Variants in FAM89A observed in about 807,000 individuals in gnomAD.
The protein encoded by FAM89A is protein FAM89A.
Under a neutral mutation model 7.1 loss-of-function variants are expected in FAM89A, and 10 were observed. The observed-to-expected ratio is 1.40, with a 90% CI of 0.86 to 2.38. The LOEUF is 2.38. FAM89A is among the 30% of genes most tolerant of loss of function. The pLI is 0.00. For missense variants in FAM89A, 276 were observed against 262.8 expected (o/e 1.05, Z -0.35); for synonymous variants, 157 against 129.3 (o/e 1.21, Z -1.45).
At chr1:231,028,964 A>G (rs1210768402) in intron 1 of FAM89A, among the ~76,000 whole-genome samples, 1 of 152,152 alleles carries the variant, frequency 6.6e-6, no homozygotes, top group Non-Finnish European at 1.5e-5. Flanking sequence ...CCACATACAA[A>G]TACACTCCAG....
chr1:231,020,299 G>A (rs888319835), intron 1 of FAM89A, among the ~76,000 whole-genome samples, 173 bp from the exon 2 acceptor site: 8 of 152,168 alleles, frequency 5.3e-5, no homozygotes, highest in African/African-American at 1.9e-4. Context: ...CCTTAATTGT[G>A]TTATGCCCAT....
intron 1 of FAM89A, among the ~76,000 whole-genome samples, chr1:231,023,338 G>A (rs1449607712): frequency 6.6e-6 from 1 of 152,202 alleles, no homozygotes; most frequent in Non-Finnish European, 1.5e-5. Flanking sequence ...CCACAGGTAG[G>A]TGGGAGCCTC....
Position 231,019,906 on chromosome 1 carries a change from A to T in FAM89A, c.512T>A (p.Val171Asp). The T allele has an allele frequency of 6.2e-7, 1 of 1,614,156 alleles. No homozygotes were observed. Among genetic ancestry groups the T allele is most frequent in the Non-Finnish European group, 8.5e-7 (1 of 1,180,036 alleles). Reference protein sequence around the residue: ...RGPPRDLSLPVSSLSSSDWIL... With the variant: ...RGPPRDLSLPDSSLSSSDWIL... ...CCAGTCGCTGCTGGAGAGGGAGGAG[A>T]CAGGCAGTGACAAGTCCCGAGGAGG... Residue 171 changes from valine to aspartate, a missense_variant, in exon 2 of 2, where the codon GTC (valine) becomes GAC (aspartate). Coordinates refer to ENST00000366654, the MANE Select transcript of FAM89A (RefSeq NM_198552.3).
At chr1:231,029,015 G>GTC (rs1014088308) in intron 1 of FAM89A, among the ~76,000 whole-genome samples, 22 of 152,318 alleles carry the variant, frequency 1.4e-4, no homozygotes, top group African/African-American at 4.8e-4. Flanking sequence ...GTCACTGAAA[G>GTC]TCTCTGAGTA....
At chr1:231,031,999 G>A (rs545262929) in intron 1 of FAM89A, among the ~76,000 whole-genome samples, 143 of 152,244 alleles carry the variant, frequency 9.4e-4, no homozygotes, top group Non-Finnish European at 1.5e-3. Flanking sequence ...CCCCAACCCC[G>A]GGCCTCAAGT....
At chr1:231,021,851 A>G in intron 1 of FAM89A, 1 of 1,595,934 alleles carries the variant, frequency 6.3e-7, no homozygotes, top group Non-Finnish European at 8.6e-7. Flanking sequence ...GAGGAATGCT[A>G]GGAGGCTGCC....
chr1:231,028,746 C>T (rs1680016778), intron 1 of FAM89A: 1 of 152,246 alleles, frequency 6.6e-6, no homozygotes, highest in Admixed American at 6.5e-5. Context: ...AAACTGCGAG[C>T]GCAGGTCCTT....
rs1679845512 is a variant in FAM89A, at chr1:231,020,063, G to C, written c.355C>G (p.Gln119Glu). The C allele has an allele frequency of 6.2e-7, 1 of 1,613,992 alleles. No individual in the cohort carries two copies. Among genetic ancestry groups the C allele is most frequent in the African/African-American group, 1.3e-5 (1 of 74,934 alleles). ...CQLYSLYESIQEYKGACQAAS... is the reference protein window; with the variant it reads ...CQLYSLYESIEEYKGACQAAS... ...GCCTGGCATGCCCCCTTGTACTCCT[G>C]AATCGACTCGTAGAGGCTGTACAGT... Residue 119 changes from glutamine to glutamate, a missense_variant, in exon 2 of 2, where the codon CAG becomes GAG. Gln to Glu is a conservative substitution (Grantham distance 29). Coordinates refer to ENST00000366654, the MANE Select transcript of FAM89A (RefSeq NM_198552.3).
At chr1:231,024,202 CA>C (rs34183379) in intron 1 of FAM89A, among the ~76,000 whole-genome samples, 49,093 of 144,858 alleles carry the variant, frequency 0.34, 8,217 homozygotes, top group Admixed American at 0.45. Context: ...TAATTTGAAC[CA>C]AAAAAAAAAA....
rs1679835070 is a variant in FAM89A at position 231,019,686 on chromosome 1, G to C, written c.*177C>G. On this transcript the variant is annotated 3_prime_UTR_variant, in exon 2 of 2. Coordinates refer to ENST00000366654, the MANE Select transcript of FAM89A (RefSeq NM_198552.3). ...AGCAGAAACTGCTGCCATCAAAGCAGACTGCCACCATGCATCCGCGGAGAA... is the reference window on the plus strand; with the variant it reads ...AGCAGAAACTGCTGCCATCAAAGCACACTGCCACCATGCATCCGCGGAGAA... 3 of 673,236 alleles carry C rather than the reference G, an allele frequency of 4.5e-6. No homozygotes were observed. Among genetic ancestry groups the C allele is most frequent in the East Asian group, 5.5e-5 (2 of 36,056 alleles). The allele number at this position is 673,236 out of a possible 1,614,324, so 41.7% of individuals were successfully genotyped here. A position where few individuals can be genotyped will look rare whatever the true frequency, so the allele number is the denominator to read the frequency against.
intron 1 of FAM89A, among the ~76,000 whole-genome samples, chr1:231,031,991 C>T (rs924581368): frequency 1.2e-4 from 19 of 152,276 alleles, no homozygotes; most frequent in Non-Finnish European, 2.2e-4. Flanking sequence ...CCAATCCTCC[C>T]CAACCCCGGG....
chr1:231,040,238 C>G lies in FAM89A; in HGVS notation c.-27G>C. ...GCGCCGCGGCCCGGCCACGCGCCTG[C>G]CCCGCTGCAGCGAACCAAGGCTTTC... On this transcript the variant is annotated 5_prime_UTR_variant, in exon 1 of 2. Transcript: ENST00000366654. 1 of 1,032,768 alleles carries G rather than the reference C, an allele frequency of 9.7e-7. No homozygotes were observed. The highest frequency in any genetic ancestry group is 1.2e-6 in the Non-Finnish European group (1 of 862,938). 64.0% of individuals were successfully genotyped at this position (1,032,768 alleles called of 1,614,324 possible). A position where few individuals can be genotyped will look rare whatever the true frequency, so the allele number is the denominator to read the frequency against.
chr1:231,039,995 C>A lies in FAM89A; in HGVS notation c.217G>T (p.Gly73Trp). Reference protein sequence around the residue: ...ELSRGGPGGGGARAAALPAKP... With the variant: ...ELSRGGPGGGWARAAALPAKP... The stretch of plus-strand genomic sequence containing the variant: ...GCGGGCAGCGCTGCCGCCCGGGCCC[C>A]GCCGCCGCCCGGGCCCCCGCGGCTC... The change falls in exon 1 of 2, where the codon GGG becomes TGG. Residue 73 changes from glycine (G) to tryptophan (W), a missense_variant. By Grantham distance (184) the Gly-to-Trp change is radical. Coordinates refer to ENST00000366654, the MANE Select transcript of FAM89A (RefSeq NM_198552.3). 1.4e-6 allele frequency: 2 copies of A among 1,387,114 alleles called. No individual in the cohort carries two copies. Among genetic ancestry groups the A allele is most frequent in the South Asian group, 1.6e-5 (1 of 61,482 alleles). 85.9% of individuals were successfully genotyped at this position (1,387,114 alleles called of 1,614,324 possible).
At chr1:231,022,195 A>T in intron 1 of FAM89A, 2 of 979,244 alleles carry the variant, frequency 2.0e-6, no homozygotes, top group Non-Finnish European at 3.3e-6. Flanking sequence ...GTATTCAGAG[A>T]CGCCCAGGAG....
At chr1:231,038,862 AATTTATTTTT>A (rs1680201516) in intron 1 of FAM89A, among the ~76,000 whole-genome samples, 1 of 152,200 alleles carries the variant, frequency 6.6e-6, no homozygotes, top group East Asian at 1.9e-4. Flanking sequence ...TTCCTATAAC[AATTTATTTTT>A]TGGCAAATTT....
chr1:231,039,826 G>C (rs544075833), intron 1 of FAM89A, 95 bp downstream of exon 1: 1,069 of 1,177,996 alleles, frequency 9.1e-4, no homozygotes, highest in Non-Finnish European at 1.1e-3. Flanking sequence ...GGGCGGGTGG[G>C]CGCGGGGACT....
At chr1:231,029,101 C>T (rs778515821) in intron 1 of FAM89A, among the ~76,000 whole-genome samples, 1 of 152,110 alleles carries the variant, frequency 6.6e-6, no homozygotes, top group African/African-American at 2.4e-5. Flanking sequence ...CACTAGGAAA[C>T]AAGGCTTAAA....
chr1:231,036,844 A>G (rs188684855), intron 1 of FAM89A, among the ~76,000 whole-genome samples: 79 of 152,302 alleles, frequency 5.2e-4, no homozygotes, highest in Non-Finnish European at 1.0e-4. Context: ...ATGACAAATT[A>G]CCTTCCTCCC....
At chr1:231,024,901 TACC>T (rs1200281720) in intron 1 of FAM89A, among the ~76,000 whole-genome samples, 11 of 144,708 alleles carry the variant, frequency 7.6e-5, no homozygotes, top group Admixed American at 1.4e-4. Flanking sequence ...GTTCTGTTGC[TACC>T]ACAACTACTC....
Sources: gnomAD v4.1 joint callset for allele counts (sites outside exome capture counted in the v4.1 genomes callset) on GRCh38, gnomAD v4.1.1 for gene constraint, MANE v1.5 for transcripts, NCBI Gene and HGNC (gene_info 2026-07-23, HGNC 2026-07-21) for gene names.